The following SLC41A1 variants were observed in gnomAD, a reference collection of about 807,000 sequenced individuals.
SLC41A1 encodes solute carrier family 41 (magnesium transporter), member 1.
In SLC41A1, 20 loss-of-function variants were observed where a neutral mutation model predicts 47.3. That is an observed-to-expected ratio of 0.42 (90% CI 0.30 to 0.61). The LOEUF (loss-of-function observed/expected upper bound fraction) is 0.61, where lower values mean the gene tolerates loss of function less well. SLC41A1 is among the 20% of genes least tolerant of loss of function. SLC41A1 has a pLI of 0.17. For synonymous variants in SLC41A1, 282 were observed against 272.7 expected, an observed-to-expected ratio of 1.03 and a Z score of -0.34; for missense variants, 504 against 674.1, an observed-to-expected ratio of 0.75 and a Z score of 2.79.
intron 2 of SLC41A1, chr1:205,801,503 G>T (rs1655877303): frequency 3.9e-6 from 1 of 259,582 alleles, no homozygotes. Context: ...GCTCCACAGG[G>T]CTGGGGCCGA....
At chr1:205,806,543 C>G (rs1018333832) in intron 2 of SLC41A1, among the ~76,000 whole-genome samples, 2 of 152,174 alleles carry the variant, frequency 1.3e-5, no homozygotes, top group Non-Finnish European at 2.9e-5. Flanking sequence ...GTGAGACATC[C>G]GGAGCAGCCT....
chr1:205,791,383 TA>T lies in SLC41A1; in HGVS notation c.*149del. The T allele has an allele frequency of 9.7e-7, 1 of 1,028,510 alleles. No homozygotes were observed. The highest frequency in any genetic ancestry group is 1.5e-6 in the Non-Finnish European group (1 of 679,692). 63.7% of individuals were successfully genotyped at this position (1,028,510 alleles called of 1,614,324 possible). On this transcript the variant is annotated 3_prime_UTR_variant, in exon 11 of 11. Transcript: ENST00000367137. The surrounding 1 kb of genome is among the most constrained non-coding windows in gnomAD (Gnocchi z 4.0). ...TGCTATACAAACTTGGCTCAATGTA[TA>T]AAAATTCCCATTGAAAATAATGAGA... is the stretch of plus-strand genomic sequence containing the variant.
rs1655598124 is a variant in SLC41A1, at chr1:205,790,387, T to C, written c.*1146A>G. The C allele has an allele frequency of 1.3e-5, 2 of 152,218 alleles. No individual in the cohort carries two copies. Among genetic ancestry groups the C allele is most frequent in the Admixed American group, 1.3e-4 (2 of 15,274 alleles). The allele number at this position is 152,218 out of a possible 1,614,324, so 9.4% of individuals were successfully genotyped here. On this transcript the variant is annotated 3_prime_UTR_variant, in exon 11 of 11. Coordinates refer to ENST00000367137, the MANE Select transcript of SLC41A1 (RefSeq NM_173854.6). ...CAAAGAATGTTTCAGACCATGCTTG[T>C]CTGCAGGAGAGCTCATCTTGCGGAG...
Position 205,796,962 on chromosome 1 carries a change from T to C in SLC41A1, c.1034A>G (p.Asn345Ser), listed in dbSNP as rs967613211. 7 of 1,613,340 alleles carry C rather than the reference T, an allele frequency of 4.3e-6. No individual in the cohort carries two copies. The highest frequency in any genetic ancestry group is 1.1e-5 in the South Asian group (1 of 90,816). The change falls in exon 8 of 11, where the codon AAC (asparagine) becomes AGC (serine). Residue 345 changes from asparagine (N) to serine (S), a missense_variant. Asn to Ser is a conservative substitution (Grantham distance 46, BLOSUM62 1). Coordinates refer to ENST00000367137, the MANE Select transcript of SLC41A1 (RefSeq NM_173854.6). ...CGTGAAGACAGCCATCCCAGCAAAG[T>C]TGGGGTCTGAGACAGTCTTGTCCAA... ...LILDKTVSDP[N>S]FAGMAVFTPV...
chr1:205,802,952 TGAGGTCAGGAGTTG>T (rs920391285), intron 2 of SLC41A1, among the ~76,000 whole-genome samples: 5 of 152,112 alleles, frequency 3.3e-5, no homozygotes, highest in African/African-American at 1.2e-4. Context: ...GTGGATCACT[TGAGGTCAGGAGTTG>T]GAGACCAGCC....
chr1:205,809,289 A>G (rs2102511770), intron 2 of SLC41A1, among the ~76,000 whole-genome samples: 1 of 152,246 alleles, frequency 6.6e-6, no homozygotes, highest in East Asian at 1.9e-4. Context: ...TCTGGCTCTT[A>G]GATTCCATGT....
chr1:205,793,890 T>C (rs1285398986), intron 10 of SLC41A1, among the ~76,000 whole-genome samples: 4 of 152,186 alleles, frequency 2.6e-5, no homozygotes, highest in Non-Finnish European at 4.4e-5. Flanking sequence ...GAGAAACAGA[T>C]GGCTGTGAAG....
intron 10 of SLC41A1, among the ~76,000 whole-genome samples, chr1:205,792,940 T>TC (rs201169662): frequency 0.082 from 11,598 of 142,108 alleles, 505 homozygotes; most frequent in African/African-American, 0.13. Flanking sequence ...GTCCTCTCTC[T>TC]TTTTTTTTTT....
intron 2 of SLC41A1, 105 bp from the exon 3 acceptor site, chr1:205,801,165 G>A (rs1655869439): frequency 3.3e-6 from 3 of 898,320 alleles, no homozygotes; most frequent in Non-Finnish European, 5.5e-6. Context: ...AATAGAATCA[G>A]CAGGGAGTGA....
chr1:205,807,481 A>G (rs1002062621), intron 2 of SLC41A1, among the ~76,000 whole-genome samples: 24 of 152,126 alleles, frequency 1.6e-4, no homozygotes, highest in African/African-American at 5.6e-4. Context: ...AAACTTTGGA[A>G]TCTAAGTGTG....
chr1:205,795,005 G>A lies in SLC41A1; in HGVS notation c.1221C>T (p.Arg407=). The part of the protein sequence containing the change: ...TTFFSPDVNS[R]SARVLFLLVV... ...CGAGGAGGAAGAGGACCCGGGCTGAGCGAGAATTCACATCTGGAATTGGGG... is the reference window on the plus strand; with the variant it reads ...CGAGGAGGAAGAGGACCCGGGCTGAACGAGAATTCACATCTGGAATTGGGG... The change falls in exon 10 of 11, where the codon CGC becomes CGT. Residue 407 remains arginine, a synonymous_variant. Transcript: ENST00000367137. The A allele has an allele frequency of 1.2e-6, 2 of 1,614,014 alleles. No homozygotes were observed. Among genetic ancestry groups the A allele is most frequent in the Non-Finnish European group, 1.7e-6 (2 of 1,179,994 alleles).
intron 2 of SLC41A1, among the ~76,000 whole-genome samples, chr1:205,807,331 C>G (rs908959241): frequency 6.6e-6 from 1 of 152,150 alleles, no homozygotes; most frequent in African/African-American, 2.4e-5. Context: ...ACAAACCTGT[C>G]ATTGTCATCC....
Position 205,789,302 on chromosome 1 carries a change from G to T in SLC41A1, c.*2231C>A, listed in dbSNP as rs1655559510. The T allele has an allele frequency of 6.6e-6, 1 of 152,224 alleles. No individual in the cohort carries two copies. The highest frequency in any genetic ancestry group is 1.5e-5 in the Non-Finnish European group (1 of 68,042). 9.4% of individuals were successfully genotyped at this position (152,224 alleles called of 1,614,324 possible). A position where few individuals can be genotyped will look rare whatever the true frequency, so the allele number is the denominator to read the frequency against. On this transcript the variant is annotated 3_prime_UTR_variant, in exon 11 of 11. Transcript: ENST00000367137. ...CGGGGAAAAGAAATGAAACTTCCAT[G>T]AAAGTCACCTTCATTTTCTTTCCCT... is the stretch of plus-strand genomic sequence containing the variant.
chr1:205,807,729 C>T (rs79162712), intron 2 of SLC41A1, among the ~76,000 whole-genome samples: 17,664 of 137,040 alleles, frequency 0.13, 1,307 homozygotes, highest in Admixed American at 0.26. Context: ...AATCATAGCT[C>T]ATTGCGACTT....
intron 10 of SLC41A1, 88 bp downstream of exon 10, chr1:205,794,782 G>A: frequency 6.5e-7 from 1 of 1,548,902 alleles, no homozygotes; most frequent in Non-Finnish European, 8.8e-7. Context: ...AGGAGGTTGA[G>A]TGTCTAAGAG....
chr1:205,813,090 C>A lies in SLC41A1; in HGVS notation c.-929G>T. The stretch of plus-strand genomic sequence containing the variant: ...CGCTTCGGGCCCGGCGGGGGGGCAC[C>A]CGGACGGGGGACCGGGGAGCCGAGC... On this transcript the variant is annotated 5_prime_UTR_variant, in exon 1 of 11. Coordinates refer to ENST00000367137, the MANE Select transcript of SLC41A1 (RefSeq NM_173854.6). The A allele has an allele frequency of 2.0e-6, 2 of 985,516 alleles. No homozygotes were observed. Among genetic ancestry groups the A allele is most frequent in the Non-Finnish European group, 2.4e-6 (2 of 829,996 alleles). The allele number at this position is 985,516 out of a possible 1,614,324, so 61.0% of individuals were successfully genotyped here. A position where few individuals can be genotyped will look rare whatever the true frequency, so the allele number is the denominator to read the frequency against.
In SLC41A1 at chr1:205,795,428, G is replaced by A; in HGVS notation, c.1123C>T (p.Leu375=). 1.2e-6 allele frequency: 2 copies of A among 1,614,212 alleles called. No homozygotes were observed. Among genetic ancestry groups the A allele is most frequent in the South Asian group, 1.1e-5 (1 of 91,084 alleles). The part of the protein sequence containing the change: ...AVQASRISTF[L]HMNGMPGENS... ...TCTCCGGGCATTCCATTCATGTGCA[G>A]GAAGGTGGAGATGCGGCTGGCCTGC... Residue 375 remains leucine, a synonymous_variant, in exon 9 of 11, where the codon CTG becomes TTG. Transcript: ENST00000367137.
intron 2 of SLC41A1, among the ~76,000 whole-genome samples, chr1:205,805,878 G>C (rs1044071480): frequency 1.3e-5 from 2 of 152,224 alleles, no homozygotes; most frequent in Non-Finnish European, 2.9e-5. Context: ...CTGCCTTCAA[G>C]GGTTCTGGCC....
At chr1:205,794,767 G>A in intron 10 of SLC41A1, 103 bp downstream of exon 10, 1 of 1,475,264 alleles carries the variant, frequency 6.8e-7, no homozygotes, top group Non-Finnish European at 9.3e-7. Flanking sequence ...CTGACACAGA[G>A]AAAGAGGAGG....
Sources: allele counts gnomAD v4.1 joint callset (sites outside exome capture counted in the v4.1 genomes callset), GRCh38; gene constraint gnomAD v4.1.1; non-coding constraint Gnocchi (gnomAD v3.1); transcripts MANE v1.5; gene names NCBI Gene and HGNC (gene_info 2026-07-23, HGNC 2026-07-21).